The following TMEM30A variants were observed in gnomAD, a reference collection of about 807,000 sequenced individuals.
TMEM30A encodes the protein cell division cycle 50 P4-ATPase accessory subunit A.
In TMEM30A, 24 loss-of-function variants were observed where a neutral mutation model predicts 38.2. The ratio of observed to expected loss-of-function variants is 0.63; its 90% confidence interval spans 0.46 to 0.88. The LOEUF (loss-of-function observed/expected upper bound fraction) is 0.88. TMEM30A is among the 40% of genes least tolerant of loss of function. The pLI is 0.00. For synonymous variants in TMEM30A, 145 were observed against 161.6 expected (o/e 0.90, Z 0.78); for missense variants, 370 against 458.6 (o/e 0.81, Z 1.77).
Position 75,252,963 on chromosome 6 carries a change from G to A in TMEM30A, c.*3139C>T, listed in dbSNP as rs1362527901. 1 of 152,074 alleles carries A rather than the reference G, an allele frequency of 6.6e-6. No individual in the cohort carries two copies. The highest frequency in any genetic ancestry group is 2.4e-5 in the African/African-American group (1 of 41,408). 9.4% of individuals were successfully genotyped at this position (152,074 alleles called of 1,614,324 possible). On this transcript the variant is annotated 3_prime_UTR_variant, in exon 7 of 7. Transcript: ENST00000230461. The stretch of plus-strand genomic sequence containing the variant: ...AGATATTTATTTTGAAGTTCCAAAT[G>A]ACATTAGCAGAATTGTGATTTTTAT...
rs1771822889 is a variant in TMEM30A at position 75,253,755 on chromosome 6, A to G, written c.*2347T>C. On this transcript the variant is annotated 3_prime_UTR_variant, in exon 7 of 7. Transcript: ENST00000230461. ...CTCTTGGTTGAATGATTTTCTATTA[A>G]TTAGTAGTACACAGCTATTTTTATC... The G allele has an allele frequency of 6.6e-6, 1 of 152,622 alleles. No homozygotes were observed. Among genetic ancestry groups the G allele is most frequent in the African/African-American group, 2.4e-5 (1 of 41,454 alleles). 9.5% of individuals were successfully genotyped at this position (152,622 alleles called of 1,614,324 possible).
In TMEM30A at chr6:75,284,163, C is replaced by T. The variant is rs116615265; in HGVS notation, c.237+239G>A. On this transcript the variant is annotated intron_variant, in intron 1 of 6. Coordinates refer to ENST00000230461, the MANE Select transcript of TMEM30A (RefSeq NM_018247.4). ...GCATTAAACATTCATTCCGTCTCAG[C>T]TCATTCCGTGGATTTGCTCTTTCGT... The T allele has an allele frequency of 1.2e-3, 684 of 582,900 alleles. 6 individuals are homozygous for T. Among genetic ancestry groups the T allele is most frequent in the African/African-American group, 0.012 (620 of 53,560 alleles). 36.1% of individuals were successfully genotyped at this position (582,900 alleles called of 1,614,324 possible).
intron 4 of TMEM30A, among the ~76,000 whole-genome samples, chr6:75,259,830 A>G (rs1771933219): frequency 6.6e-6 from 1 of 152,152 alleles, no homozygotes; most frequent in Admixed American, 6.5e-5. Flanking sequence ...CTTCTTGCTT[A>G]TCCATTTCTG....
intron 1 of TMEM30A, among the ~76,000 whole-genome samples, chr6:75,273,643 A>G (rs1392564179): frequency 1.3e-5 from 2 of 152,114 alleles, no homozygotes; most frequent in African/African-American, 2.4e-5. Flanking sequence ...TATAGTTTTG[A>G]TATTTGTCTC....
intron 1 of TMEM30A, among the ~76,000 whole-genome samples, chr6:75,277,305 CAAAAAAA>C (rs60419282): frequency 4.4e-5 from 4 of 91,722 alleles, no homozygotes; most frequent in East Asian, 6.4e-4. Context: ...TGTCCTCATC[CAAAAAAA>C]AAAAAAAAAA....
At chr6:75,267,836 T>G (rs1772095208) in intron 1 of TMEM30A, 88 bp from the exon 2 acceptor site, 10 of 824,266 alleles carry the variant, frequency 1.2e-5, no homozygotes, top group Non-Finnish European at 1.8e-5. Flanking sequence ...AAAGGAAAAT[T>G]AAGTCCAATG....
At chr6:75,274,650 T>C (rs1772229364) in intron 1 of TMEM30A, among the ~76,000 whole-genome samples, 1 of 152,122 alleles carries the variant, frequency 6.6e-6, no homozygotes, top group Non-Finnish European at 1.5e-5. Context: ...ATTTCCAGGG[T>C]TTCTGGCATG....
In TMEM30A at chr6:75,284,687, G is replaced by T. The variant is rs754213946; in HGVS notation, c.-49C>A. 44 of 1,588,740 alleles carry T rather than the reference G, an allele frequency of 2.8e-5. No individual in the cohort carries two copies. The highest frequency in any genetic ancestry group is 3.4e-5 in the Non-Finnish European group (40 of 1,163,928). On this transcript the variant is annotated 5_prime_UTR_variant, in exon 1 of 7. Transcript: ENST00000230461. ...GATTTGCAGGTGGACCACCCAGGGG[G>T]CCCGCCGGCTGACCCTGACAGGAAC...
chr6:75,270,642 G>T (rs1195262536), intron 1 of TMEM30A, among the ~76,000 whole-genome samples: 5 of 152,134 alleles, frequency 3.3e-5, no homozygotes, highest in African/African-American at 1.2e-4. Context: ...AGAACTACAA[G>T]AAATAAACAT....
At chr6:75,279,503 T>C (rs1361468908) in intron 1 of TMEM30A, among the ~76,000 whole-genome samples, 1 of 152,160 alleles carries the variant, frequency 6.6e-6, no homozygotes, top group East Asian at 1.9e-4. Context: ...AGTTCTCTCA[T>C]TTTGAAAAAT....
rs528702656 is a variant in TMEM30A, at chr6:75,283,679, GACAAA to G, written c.237+718_237+722del. Among the ~76,000 whole-genome samples the G allele has an allele frequency of 5.9e-3, 890 of 150,414 alleles. 6 individuals carry two copies. Among genetic ancestry groups the G allele is most frequent in the African/African-American group, 0.021 (858 of 41,114 alleles). On this transcript the variant is annotated intron_variant, in intron 1 of 6. Transcript: ENST00000230461. ...AAAAAAAAAAAACAAAACAAAACAAGACAAAACAAAAACCCAGCAAAGGTAGGGCA... is the reference window on the plus strand; with the variant it reads ...AAAAAAAAAAAACAAAACAAAACAAGACAAAAACCCAGCAAAGGTAGGGCA...
chr6:75,273,281 A>G (rs1005945023), intron 1 of TMEM30A, among the ~76,000 whole-genome samples: 2 of 152,206 alleles, frequency 1.3e-5, no homozygotes, highest in African/African-American at 4.8e-5. Context: ...GGAGAACAAC[A>G]TAATCAAATA....
intron 2 of TMEM30A, among the ~76,000 whole-genome samples, chr6:75,267,251 G>A (rs901916709): frequency 1.3e-5 from 2 of 152,036 alleles, no homozygotes; most frequent in African/African-American, 4.8e-5. Flanking sequence ...TTAAGTAATG[G>A]GAGAATTATT....
At position 75,269,936 on chromosome 6, in the gene TMEM30A, G is replaced by A. The variant is rs577915297; in HGVS notation, c.238-2188C>T. ...TGTCTATCTCTTGACCTCATGATCC[G>A]CCCACCTTGGCCTCCCAAAGTGCTG... is the stretch of plus-strand genomic sequence containing the variant. On this transcript the variant is annotated intron_variant, in intron 1 of 6. Coordinates refer to ENST00000230461, the MANE Select transcript of TMEM30A (RefSeq NM_018247.4). 6.6e-5 allele frequency among the ~76,000 whole-genome samples: 10 copies of A among 152,056 alleles called. No individual in the cohort carries two copies. The South Asian group carries it at 1.7e-3, about 25-fold the overall frequency.
chr6:75,260,493 CAGAT>C (rs1771947426), intron 4 of TMEM30A, among the ~76,000 whole-genome samples: 1 of 152,108 alleles, frequency 6.6e-6, no homozygotes, highest in Admixed American at 6.5e-5. Flanking sequence ...ATATTTCTAT[CAGAT>C]AGTGCTGCTC....
chr6:75,275,955 C>G (rs1439772244), intron 1 of TMEM30A, among the ~76,000 whole-genome samples: 1 of 152,086 alleles, frequency 6.6e-6, no homozygotes. Flanking sequence ...ATGAATAGAC[C>G]TGTGGGAAGG....
Position 75,284,600 on chromosome 6 carries a change from A to C in TMEM30A, c.39T>G (p.Gly13=). 6.2e-7 allele frequency: 1 copy of C among 1,613,752 alleles called. No homozygotes were observed. The highest frequency in any genetic ancestry group is 8.5e-7 in the Non-Finnish European group (1 of 1,179,974). The change falls in exon 1 of 7, where the codon GGT becomes GGG. Residue 13 remains glycine (G), a synonymous_variant. Transcript: ENST00000230461. Reference sequence around the variant, plus strand: ...TGCCCCCCGGAGCACACGGGGGCCCACCGTCCACTTCATCCTTCGCGTTAT... The same window carrying C: ...TGCCCCCCGGAGCACACGGGGGCCCCCCGTCCACTTCATCCTTCGCGTTAT... ...MNYNAKDEVD[G]GPPCAPGGTA...
chr6:75,284,017 T>C (rs550390666), intron 1 of TMEM30A, among the ~76,000 whole-genome samples: 5 of 152,210 alleles, frequency 3.3e-5, no homozygotes, highest in Admixed American at 6.5e-5. Context: ...TACATCTACC[T>C]AGTTACAATT....
At chr6:75,265,122 A>C in intron 3 of TMEM30A, 109 bp downstream of exon 3, 1 of 708,416 alleles carries the variant, frequency 1.4e-6, no homozygotes, top group African/African-American at 1.9e-5. Context: ...CTCACTATAC[A>C]AACTATAAAT....
Sources: gnomAD v4.1 joint callset for allele counts (sites outside exome capture counted in the v4.1 genomes callset) on GRCh38, gnomAD v4.1.1 for gene constraint, MANE v1.5 for transcripts, NCBI Gene and HGNC (gene_info 2026-07-23, HGNC 2026-07-21) for gene names.